SCD5: variants seen among roughly 807,000 people sequenced by gnomAD.
The protein encoded by SCD5 is stearoyl-CoA desaturase 5.
In SCD5, 20 loss-of-function variants were observed where a neutral mutation model predicts 30.4. The ratio of observed to expected loss-of-function variants is 0.66; its 90% CI spans 0.46 to 0.96. The LOEUF (loss-of-function observed/expected upper bound fraction) is 0.96, where lower values mean the gene tolerates loss of function less well. Ranked by LOEUF, SCD5 falls within the 40% of genes least tolerant of loss-of-function variation. SCD5 has a pLI of 0.00. For synonymous variants in SCD5, 173 were observed against 176.4 expected (o/e 0.98, Z 0.16); for missense variants, 381 against 443.3 (o/e 0.86, Z 1.26).
At chr4:82,707,693 A>G (rs890146557) in intron 1 of SCD5, among the ~76,000 whole-genome samples, 3 of 152,258 alleles carry the variant, frequency 2.0e-5, no homozygotes, top group Admixed American at 2.0e-4. Flanking sequence ...ACAGCCAGTA[A>G]GGAAATGAGG....
At chr4:82,783,693 C>A (rs1054069207) in intron 1 of SCD5, among the ~76,000 whole-genome samples, 1 of 151,768 alleles carries the variant, frequency 6.6e-6, no homozygotes, top group Non-Finnish European at 1.5e-5. Context: ...ATCCCAGCTA[C>A]TTGGCAGGCT....
chr4:82,798,780 C>T lies in SCD5; in HGVS notation c.-243G>A. 5 of 460,376 alleles carry T rather than the reference C, an allele frequency of 1.1e-5. No homozygotes were observed. The South Asian group carries it at 1.9e-4, about 17-fold the overall frequency. The allele number at this position is 460,376 out of a possible 1,614,324, so 28.5% of individuals were successfully genotyped here. A position where few individuals can be genotyped will look rare whatever the true frequency, so the allele number is the denominator to read the frequency against. On this transcript the variant is annotated 5_prime_UTR_variant, in exon 1 of 5. Transcript: ENST00000319540. ...CGTATCCCCCATATGGCTGCCCGGGCTGAACTCGGCCGCGAGAAAGAGGAG... is the reference window on the plus strand; with the variant it reads ...CGTATCCCCCATATGGCTGCCCGGGTTGAACTCGGCCGCGAGAAAGAGGAG...
At chr4:82,640,807 A>G (rs571401036) in intron 3 of SCD5, among the ~76,000 whole-genome samples, 3 of 151,738 alleles carry the variant, frequency 2.0e-5, no homozygotes, top group African/African-American at 7.3e-5. Flanking sequence ...CCACAGAGCA[A>G]CTCCACGACG....
At chr4:82,750,698 A>G (rs1243387017) in intron 1 of SCD5, among the ~76,000 whole-genome samples, 1 of 152,150 alleles carries the variant, frequency 6.6e-6, no homozygotes, top group Non-Finnish European at 1.5e-5. Flanking sequence ...TTTAAAAGAA[A>G]GCACTGTTGG....
chr4:82,688,565 T>C (rs548937939), intron 2 of SCD5, among the ~76,000 whole-genome samples: 1 of 152,196 alleles, frequency 6.6e-6, no homozygotes, highest in Non-Finnish European at 1.5e-5. Context: ...TCTCTCCAGA[T>C]AATAGGCTAA....
intron 3 of SCD5, among the ~76,000 whole-genome samples, chr4:82,675,730 A>G (rs1728422508): frequency 1.3e-5 from 2 of 152,228 alleles, no homozygotes; most frequent in South Asian, 4.1e-4. Context: ...TCTGGATTTT[A>G]TCTTCATTTT....
At chr4:82,643,563 G>A (rs1291984666) in intron 3 of SCD5, among the ~76,000 whole-genome samples, 2 of 152,188 alleles carry the variant, frequency 1.3e-5, no homozygotes, top group African/African-American at 4.8e-5. Context: ...CAGGAGCTGG[G>A]GGTGAAGAGA....
At chr4:82,761,890 T>C (rs2148846107) in intron 1 of SCD5, among the ~76,000 whole-genome samples, 1 of 152,000 alleles carries the variant, frequency 6.6e-6, no homozygotes, top group East Asian at 2.0e-4. Context: ...TTACACTCCA[T>C]GGCCGGGCGT....
At chr4:82,786,943 TAC>T (rs1401034605) in intron 1 of SCD5, among the ~76,000 whole-genome samples, 8 of 152,202 alleles carry the variant, frequency 5.3e-5, no homozygotes, top group Admixed American at 4.6e-4. Context: ...AGTCCCGCTC[TAC>T]ACATTTTTCT....
intron 3 of SCD5, among the ~76,000 whole-genome samples, chr4:82,668,391 T>A (rs546537619): frequency 6.6e-6 from 1 of 152,074 alleles, no homozygotes; most frequent in East Asian, 1.9e-4. Flanking sequence ...TGTGCTGGAG[T>A]TTCCTCTTCC....
chr4:82,772,827 C>T (rs1359607750), intron 1 of SCD5, among the ~76,000 whole-genome samples: 30 of 152,140 alleles, frequency 2.0e-4, no homozygotes, highest in Non-Finnish European at 4.4e-5. Flanking sequence ...TCCTCCATGA[C>T]AGCAGAAAGT....
chr4:82,696,859 G>A (rs1278693702), intron 2 of SCD5, among the ~76,000 whole-genome samples: 1 of 152,228 alleles, frequency 6.6e-6, no homozygotes, highest in African/African-American at 2.4e-5. Flanking sequence ...TCAAGGAATT[G>A]CATTGCAATA....
At chr4:82,721,458 G>A (rs1458918007) in intron 1 of SCD5, among the ~76,000 whole-genome samples, 7 of 152,142 alleles carry the variant, frequency 4.6e-5, no homozygotes, top group African/African-American at 9.7e-5. Context: ...AAAAGTTGAC[G>A]TCCTAACCCC....
intron 3 of SCD5, among the ~76,000 whole-genome samples, chr4:82,648,086 A>T (rs1727668522): frequency 6.6e-6 from 1 of 152,222 alleles, no homozygotes; most frequent in Non-Finnish European, 1.5e-5. Flanking sequence ...AGGGGAGGTG[A>T]GGCAGCTAAC....
chr4:82,741,497 C>T (rs914283489), intron 1 of SCD5, among the ~76,000 whole-genome samples: 2 of 152,204 alleles, frequency 1.3e-5, no homozygotes, highest in Non-Finnish European at 2.9e-5. Flanking sequence ...GTGACGGCAG[C>T]TGCATGAGCC....
intron 1 of SCD5, among the ~76,000 whole-genome samples, chr4:82,764,383 T>C (rs1196325884): frequency 1.3e-5 from 2 of 152,242 alleles, no homozygotes; most frequent in Non-Finnish European, 2.9e-5. Flanking sequence ...TATTTTCTTT[T>C]TGTCTAATTG....
At chr4:82,793,266 T>C (rs139327220) in intron 1 of SCD5, among the ~76,000 whole-genome samples, 1 of 152,330 alleles carries the variant, frequency 6.6e-6, no homozygotes, top group African/African-American at 2.4e-5. Context: ...AGAAATGATG[T>C]GGCCCTGTTT....
At chr4:82,736,565 G>A (rs530932082) in intron 1 of SCD5, among the ~76,000 whole-genome samples, 11 of 151,794 alleles carry the variant, frequency 7.2e-5, no homozygotes, top group African/African-American at 1.5e-4. Context: ...CCCAGATCGC[G>A]CCATTGCACT....
chr4:82,755,476 G>C (rs1721215343), intron 1 of SCD5, among the ~76,000 whole-genome samples: 1 of 152,158 alleles, frequency 6.6e-6, no homozygotes, highest in African/African-American at 2.4e-5. Flanking sequence ...CTCCAGCCTG[G>C]GCGACAGAGC....
Sources: gnomAD v4.1 joint callset for allele counts (sites outside exome capture counted in the v4.1 genomes callset) on GRCh38, gnomAD v4.1.1 for gene constraint, MANE v1.5 for transcripts, NCBI Gene and HGNC (gene_info 2026-07-23, HGNC 2026-07-21) for gene names.